Variants in STAG1 observed in about 807,000 individuals in gnomAD.
The protein encoded by STAG1 is STAG1 cohesin complex component.
In STAG1, 26 loss-of-function variants were observed where a neutral mutation model predicts 170.9. The ratio of observed to expected loss-of-function variants is 0.15; its 90% CI spans 0.11 to 0.21. The LOEUF is 0.21. Among genes scored for constraint, STAG1 ranks in the 10% least tolerant of loss-of-function variants. The pLI is 1.00. For missense variants in STAG1, 964 were observed against 1,509.5 expected (o/e 0.64, Z 5.99); for synonymous variants, 514 against 497.7 (o/e 1.03, Z -0.44).
chr3:136,667,411 T>TA, intron 1 of STAG1, among the ~76,000 whole-genome samples: 1 of 151,382 alleles, frequency 6.6e-6, no homozygotes, highest in South Asian at 2.1e-4. Context: ...GATAGATAGA[T>TA]AGACAGACAG....
chr3:136,642,721 T>C (rs113554133), intron 1 of STAG1, among the ~76,000 whole-genome samples: 7 of 152,320 alleles, frequency 4.6e-5, no homozygotes, highest in African/African-American at 1.4e-4. Context: ...TGCTGTAACA[T>C]ACAAAAAGCT....
At chr3:136,454,585 G>T (rs1260364942) in intron 13 of STAG1, among the ~76,000 whole-genome samples, 4 of 151,808 alleles carry the variant, frequency 2.6e-5, no homozygotes, top group African/African-American at 9.7e-5. Context: ...TCACCATGTT[G>T]GCCAGGCTGA....
chr3:136,403,063 AC>A (rs1364198862), intron 21 of STAG1, among the ~76,000 whole-genome samples: 2 of 151,802 alleles, frequency 1.3e-5, no homozygotes, highest in African/African-American at 4.8e-5. Flanking sequence ...CCCTGTCTCT[AC>A]TAAAAATACA....
At chr3:136,698,469 A>G (rs775321594) in intron 1 of STAG1, among the ~76,000 whole-genome samples, 1 of 144,042 alleles carries the variant, frequency 6.9e-6, no homozygotes, top group Non-Finnish European at 1.5e-5. Flanking sequence ...AAGAATAGTC[A>G]TAATTAAAAA....
chr3:136,658,893 AT>A (rs1941480777), intron 1 of STAG1, among the ~76,000 whole-genome samples: 1 of 152,094 alleles, frequency 6.6e-6, no homozygotes, highest in Non-Finnish European at 1.5e-5. Context: ...TGGCCTCAAA[AT>A]CCACAGTACA....
chr3:136,725,753 G>A (rs1933628843), intron 1 of STAG1, among the ~76,000 whole-genome samples: 1 of 152,182 alleles, frequency 6.6e-6, no homozygotes, highest in Admixed American at 6.5e-5. Context: ...AGTACAGACA[G>A]CATGAGGTTA....
chr3:136,397,707 C>A (rs2087206597), intron 22 of STAG1, among the ~76,000 whole-genome samples: 1 of 152,112 alleles, frequency 6.6e-6, no homozygotes, highest in Non-Finnish European at 1.5e-5. Context: ...ATGAGACATT[C>A]TATCCTGGAT....
intron 22 of STAG1, among the ~76,000 whole-genome samples, chr3:136,379,028 CAT>C (rs1398014950): frequency 5.3e-5 from 8 of 152,172 alleles, no homozygotes; most frequent in African/African-American, 1.9e-4. Context: ...AAATTACACA[CAT>C]ATTTTCTTTT....
intron 6 of STAG1, among the ~76,000 whole-genome samples, chr3:136,532,500 C>A (rs2107930968): frequency 6.6e-6 from 1 of 152,172 alleles, no homozygotes; most frequent in South Asian, 2.1e-4. Context: ...TCCTTCTGGG[C>A]CTGGGCTTTT....
chr3:136,443,494 T>G, intron 14 of STAG1, 90 bp from the exon 15 acceptor site: 1 of 903,372 alleles, frequency 1.1e-6, no homozygotes, highest in Middle Eastern at 2.2e-4. Flanking sequence ...TTCTTCATAA[T>G]TAAAATGGCT....
At chr3:136,508,873 T>A (rs916534954) in intron 7 of STAG1, among the ~76,000 whole-genome samples, 1 of 152,150 alleles carries the variant, frequency 6.6e-6, no homozygotes, top group Non-Finnish European at 1.5e-5. Flanking sequence ...TGTGTGTCTG[T>A]GTGCGCGCGT....
chr3:136,680,917 C>T (rs1942311729), intron 1 of STAG1, among the ~76,000 whole-genome samples: 1 of 137,128 alleles, frequency 7.3e-6, no homozygotes, highest in Admixed American at 7.5e-5. Flanking sequence ...TACTAAAATC[C>T]ACAGATGCTC....
At chr3:136,504,940 T>C (rs1234181853) in intron 7 of STAG1, among the ~76,000 whole-genome samples, 1 of 152,166 alleles carries the variant, frequency 6.6e-6, no homozygotes, top group East Asian at 1.9e-4. Context: ...ATGTTAAAAA[T>C]GATCAATATA....
In STAG1 at chr3:136,583,954, C is replaced by G. The variant is rs544068880; in HGVS notation, c.298-15093G>C. On this transcript the variant is annotated intron_variant, in intron 4 of 33. Coordinates refer to ENST00000383202, the MANE Select transcript of STAG1 (RefSeq NM_005862.3). ...TCTTTGTCTCCTCATAGTATTTTCC[C>G]CACTGTAAAATACCTGGGGATCAGC... 1.8e-4 allele frequency among the ~76,000 whole-genome samples: 27 copies of G among 152,276 alleles called. No individual in the cohort carries two copies. The East Asian group carries it at 5.2e-3, about 29-fold the overall frequency.
chr3:136,485,273 T>C (rs1404056609), intron 9 of STAG1, among the ~76,000 whole-genome samples: 1 of 152,038 alleles, frequency 6.6e-6, no homozygotes, highest in Non-Finnish European at 1.5e-5. Flanking sequence ...CTGGCAAACA[T>C]GGTGAAACAC....
rs892115660 is a variant in STAG1, at chr3:136,646,018, C to T, written c.-83-15037G>A. ...ATGTGCTACACTCCACAGCCCGACACTTTAACCAATATGACCTAATCTTCC... is the reference window on the plus strand; with the variant it reads ...ATGTGCTACACTCCACAGCCCGACATTTTAACCAATATGACCTAATCTTCC... On this transcript the variant is annotated intron_variant, in intron 1 of 33. Transcript: ENST00000383202. Among the ~76,000 whole-genome samples the T allele has an allele frequency of 2.0e-5, 3 of 152,332 alleles. No individual in the cohort carries two copies. In the East Asian group the frequency reaches 5.8e-4, roughly 29 times the overall value.
chr3:136,747,676 T>A (rs966560975), intron 1 of STAG1, among the ~76,000 whole-genome samples: 8 of 151,884 alleles, frequency 5.3e-5, no homozygotes, highest in Non-Finnish European at 7.4e-5. Context: ...AGAGACCCTG[T>A]CTCAAAAAAT....
chr3:136,655,076 T>C (rs1416827120), intron 1 of STAG1, among the ~76,000 whole-genome samples: 1 of 152,156 alleles, frequency 6.6e-6, no homozygotes, highest in Non-Finnish European at 1.5e-5. Context: ...CAGCATTAGG[T>C]TTGGCAATGA....
chr3:136,437,158 C>G (rs2088483599), intron 15 of STAG1, among the ~76,000 whole-genome samples: 1 of 152,224 alleles, frequency 6.6e-6, no homozygotes, highest in Non-Finnish European at 1.5e-5. Context: ...CAACTTATCT[C>G]AAGAACAGAA....
Sources: gnomAD v4.1 joint callset for allele counts (sites outside exome capture counted in the v4.1 genomes callset) on GRCh38, gnomAD v4.1.1 for gene constraint, MANE v1.5 for transcripts, NCBI Gene and HGNC (gene_info 2026-07-23, HGNC 2026-07-21) for gene names.